The following KLHL31 variants were observed in gnomAD, a reference collection of about 807,000 sequenced individuals.
The protein encoded by KLHL31 is kelch-like protein 31.
In KLHL31, 32 loss-of-function variants were observed where a neutral mutation model predicts 47.1. The observed-to-expected ratio is 0.68, with a 90% CI of 0.51 to 0.91. The LOEUF is 0.91. Ranked by LOEUF, KLHL31 falls within the 40% of genes least tolerant of loss-of-function variation. KLHL31 has a pLI of 0.00. For synonymous variants in KLHL31, 330 were observed against 325.1 expected, an observed-to-expected ratio of 1.01 and a Z score of -0.16; for missense variants, 797 against 819.3, an observed-to-expected ratio of 0.97 and a Z score of 0.33.
chr6:53,648,139 G>A lies in KLHL31; in HGVS notation c.*3459C>T, dbSNP rs1421179497. The A allele has an allele frequency of 1.3e-5, 2 of 152,624 alleles. No homozygotes were observed. Among genetic ancestry groups the A allele is most frequent in the East Asian group, 3.8e-4 (2 of 5,206 alleles). 9.5% of individuals were successfully genotyped at this position (152,624 alleles called of 1,614,324 possible). ...GGGCAAATTAAATGGTCTTTACCCA[G>A]TGAATGTGCTGGAGGGTAAATCTTT... On this transcript the variant is annotated 3_prime_UTR_variant, in exon 3 of 3. Transcript: ENST00000370905.
chr6:53,662,059 C>A (rs181923123), intron 1 of KLHL31, among the ~76,000 whole-genome samples: 1 of 151,964 alleles, frequency 6.6e-6, no homozygotes, highest in Non-Finnish European at 1.5e-5. Context: ...AGCTTGGTAG[C>A]CAGGGTCCAA....
rs763425669 is a variant in KLHL31, at chr6:53,655,285, A to G, written c.-13T>C. On this transcript the variant is annotated 5_prime_UTR_variant, in exon 2 of 3. Coordinates refer to ENST00000370905, the MANE Select transcript of KLHL31 (RefSeq NM_001003760.5). Reference sequence around the variant, plus strand: ...TTTTGGGTGCCATGTTGGCAAATACACTGTTACAGGCAAGAGCTTGCTAAA... The same window carrying G: ...TTTTGGGTGCCATGTTGGCAAATACGCTGTTACAGGCAAGAGCTTGCTAAA... 18 of 1,514,998 alleles carry G rather than the reference A, an allele frequency of 1.2e-5. No homozygotes were observed. The South Asian group carries it at 1.8e-4, about 16-fold the overall frequency. 93.8% of individuals were successfully genotyped at this position (1,514,998 alleles called of 1,614,324 possible).
intron 1 of KLHL31, among the ~76,000 whole-genome samples, chr6:53,656,935 T>TTTTTC (rs1409510587): frequency 1.4e-5 from 2 of 139,362 alleles, no homozygotes; most frequent in Non-Finnish European, 3.1e-5. Flanking sequence ...TTTTAACTTT[T>TTTTTC]TTTTTTTTTT....
intron 2 of KLHL31, among the ~76,000 whole-genome samples, chr6:53,652,603 G>T (rs1254679987): frequency 6.6e-6 from 1 of 152,144 alleles, no homozygotes; most frequent in Non-Finnish European, 1.5e-5. Context: ...ACTTGGAGAA[G>T]AGCCCACAGA....
chr6:53,658,997 T>C (rs1555905), intron 1 of KLHL31, among the ~76,000 whole-genome samples: 150,777 of 152,356 alleles, frequency 0.99, 74,636 homozygotes, highest in Middle Eastern at 1. Flanking sequence ...GTCAGTGAAG[T>C]CTAATGAGGA....
intron 2 of KLHL31, among the ~76,000 whole-genome samples, chr6:53,653,044 T>A (rs1019936708): frequency 1.2e-4 from 18 of 152,300 alleles, no homozygotes; most frequent in African/African-American, 3.6e-4. Context: ...AATATATATT[T>A]TTTTCAGTGC....
chr6:53,657,898 AT>A (rs34560455), intron 1 of KLHL31, among the ~76,000 whole-genome samples: 25,622 of 151,918 alleles, frequency 0.17, 2,384 homozygotes, highest in African/African-American at 0.26. Context: ...TCACATTTAT[AT>A]TTTTTACAAG....
At position 53,649,930 on chromosome 6, in the gene KLHL31, C is replaced by T. The variant is rs191054943; in HGVS notation, c.*1668G>A. The T allele has an allele frequency of 1.2e-3, 186 of 152,208 alleles. No individual in the cohort carries two copies. Among genetic ancestry groups the T allele is most frequent in the African/African-American group, 4.2e-3 (174 of 41,530 alleles). 9.4% of individuals were successfully genotyped at this position (152,208 alleles called of 1,614,324 possible). ...GTTCTTAATTTACAGCGTTTGTAGCCCTTACCTGAGTGTTATCATTAAATA... is the reference window on the plus strand; with the variant it reads ...GTTCTTAATTTACAGCGTTTGTAGCTCTTACCTGAGTGTTATCATTAAATA... On this transcript the variant is annotated 3_prime_UTR_variant, in exon 3 of 3. Transcript: ENST00000370905.
In KLHL31 at chr6:53,654,960, C is replaced by CT; in HGVS notation, c.312dup (p.Asp105ArgfsTer11). ...AGATCCACCCTCTGAATTGACGGGTCTTTTTTTAGGATGTTGTAAAAATAC... is the reference window on the plus strand; with the variant it reads ...AGATCCACCCTCTGAATTGACGGGTCTTTTTTTTAGGATGTTGTAAAAATAC... On this transcript the variant is annotated frameshift_variant, in exon 2 of 3. Transcript: ENST00000370905. LOFTEE classifies it high-confidence loss of function. 1.9e-6 allele frequency: 3 copies of CT among 1,614,066 alleles called. No individual in the cohort carries two copies. Among genetic ancestry groups the CT allele is most frequent in the Admixed American group, 1.7e-5 (1 of 60,010 alleles).
chr6:53,654,369 T>C lies in KLHL31; in HGVS notation c.904A>G (p.Asn302Asp). Residue 302 changes from asparagine to aspartate, a missense_variant, in exon 2 of 3, where the codon AAC becomes GAC. By Grantham distance (23) the Asn-to-Asp change is conservative. Transcript: ENST00000370905. ...CTTGTTCGCCTAGATTGCAATGTGT[T>C]TTGATGATATGGAAGCAAGTGGTAG... ...MNYHLLPYHQ[N>D]TLQSRRTRIR... 1 of 1,614,212 alleles carries C rather than the reference T, an allele frequency of 6.2e-7. No individual in the cohort carries two copies. Among genetic ancestry groups the C allele is most frequent in the East Asian group, 2.2e-5 (1 of 44,884 alleles).
In KLHL31 at chr6:53,651,511, A is replaced by G; in HGVS notation, c.*87T>C. On this transcript the variant is annotated 3_prime_UTR_variant, in exon 3 of 3. Coordinates refer to ENST00000370905, the MANE Select transcript of KLHL31 (RefSeq NM_001003760.5). ...ACAATCAGTGTAGTAAATGTTAAAT[A>G]TTTTCCTTTTCGCGAACTCAGAGGT... The G allele has an allele frequency of 2.1e-6, 3 of 1,433,218 alleles. No homozygotes were observed. The highest frequency in any genetic ancestry group is 2.8e-6 in the Non-Finnish European group (3 of 1,064,062). The allele number at this position is 1,433,218 out of a possible 1,614,324, so 88.8% of individuals were successfully genotyped here. A position where few individuals can be genotyped will look rare whatever the true frequency, so the allele number is the denominator to read the frequency against.
chr6:53,656,558 GTGTA>G (rs1201350722), intron 1 of KLHL31, among the ~76,000 whole-genome samples: 1 of 152,004 alleles, frequency 6.6e-6, no homozygotes, highest in Non-Finnish European at 1.5e-5. Context: ...TATTTATATA[GTGTA>G]TGTGTGTGTA....
chr6:53,653,090 C>T (rs1267300118), intron 2 of KLHL31, among the ~76,000 whole-genome samples: 2 of 152,106 alleles, frequency 1.3e-5, no homozygotes, highest in African/African-American at 4.8e-5. Context: ...GCAATCAATA[C>T]CTCACAAAGC....
At chr6:53,662,757 CA>C (rs1186296315) in intron 1 of KLHL31, among the ~76,000 whole-genome samples, 4 of 152,248 alleles carry the variant, frequency 2.6e-5, no homozygotes, top group Non-Finnish European at 5.9e-5. Flanking sequence ...ATGTATTCAA[CA>C]CCTGATAAGC....
intron 2 of KLHL31, 43 bp from the exon 3 acceptor site, chr6:53,652,373 C>T: frequency 1.2e-6 from 2 of 1,606,904 alleles, no homozygotes; most frequent in South Asian, 1.1e-5. Context: ...TCGGCGGCAG[C>T]TGGGGACCCC....
chr6:53,658,465 G>C (rs755159555), intron 1 of KLHL31, among the ~76,000 whole-genome samples: 2 of 152,094 alleles, frequency 1.3e-5, no homozygotes, highest in Non-Finnish European at 2.9e-5. Context: ...TGATAAAACA[G>C]GATATCTACT....
At position 53,656,043 on chromosome 6, in the gene KLHL31, G is replaced by A. The variant is rs866136103; in HGVS notation, c.-33-738C>T. On this transcript the variant is annotated intron_variant, in intron 1 of 2. Coordinates refer to ENST00000370905, the MANE Select transcript of KLHL31 (RefSeq NM_001003760.5). ...AAAATACTAAAATTCAGGAATACAT[G>A]TGAAATGTAGAAAATATTATGGAAA... is the stretch of plus-strand genomic sequence containing the variant. 7.2e-5 allele frequency among the ~76,000 whole-genome samples: 11 copies of A among 152,284 alleles called. No homozygotes were observed. The South Asian group carries it at 8.3e-4, about 11-fold the overall frequency.
chr6:53,653,158 T>C (rs139329831), intron 2 of KLHL31, among the ~76,000 whole-genome samples: 1 of 152,238 alleles, frequency 6.6e-6, no homozygotes, highest in Non-Finnish European at 1.5e-5. Context: ...AGTGAACTGA[T>C]GCTTTCCTGT....
rs775999402 is a variant in KLHL31 at position 53,654,497 on chromosome 6, C to T, written c.776G>A (p.Arg259His). Residue 259 changes from arginine (R) to histidine (H), a missense_variant, in exon 2 of 3, where the codon CGC (arginine) becomes CAC (histidine). Transcript: ENST00000370905. ...GTCTTGTGCAGAGATGGTACCAAAG[C>T]GAATATTGCTCAAAAGATCTGCAGC... ...KYAADLLSNI[R>H]FGTISAQDLV... is the part of the protein sequence containing the mutation. 1.1e-5 allele frequency: 17 copies of T among 1,613,998 alleles called. No homozygotes were observed. Among genetic ancestry groups the T allele is most frequent in the South Asian group, 5.5e-5 (5 of 91,074 alleles).
Sources: allele counts gnomAD v4.1 joint callset (sites outside exome capture counted in the v4.1 genomes callset), GRCh38; gene constraint gnomAD v4.1.1; transcripts MANE v1.5; gene names NCBI Gene and HGNC (gene_info 2026-07-23, HGNC 2026-07-21).